PACRGL: variants seen among roughly 807,000 people sequenced by gnomAD.
The protein encoded by PACRGL is parkin coregulated like, also known as PACRG-like protein.
In PACRGL, 38 loss-of-function variants were observed where a neutral mutation model predicts 34.5. The ratio of observed to expected loss-of-function variants is 1.10; its 90% CI spans 0.85 to 1.44. The LOEUF (loss-of-function observed/expected upper bound fraction) is 1.44, where lower values mean the gene tolerates loss of function less well. PACRGL is among the 40% of genes most tolerant of loss of function. The probability of loss-of-function intolerance (pLI) is 0.00; values close to 1 mark genes in which losing one functional copy is unlikely to be tolerated. For missense variants in PACRGL, 305 were observed against 281.4 expected (o/e 1.08, Z -0.60); for synonymous variants, 128 against 100.1 (o/e 1.28, Z -1.66).
chr4:20,749,600 T>A, intron 8 of PACRGL: 2 of 1,167,600 alleles, frequency 1.7e-6, no homozygotes, highest in Admixed American at 1.9e-5. Context: ...AAACTCACAT[T>A]TTCCCCCTAA....
intron 7 of PACRGL, among the ~76,000 whole-genome samples, chr4:20,722,829 C>G (rs924965370): frequency 1.2e-4 from 18 of 152,318 alleles, no homozygotes; most frequent in Admixed American, 1.2e-3. Flanking sequence ...AAGTTCTATA[C>G]CGCATACTGA....
chr4:20,724,252 AT>A (rs1744720098), intron 7 of PACRGL, among the ~76,000 whole-genome samples: 1 of 152,278 alleles, frequency 6.6e-6, no homozygotes. Context: ...AAGAATCTGC[AT>A]TTTTAAACAG....
intron 8 of PACRGL, among the ~76,000 whole-genome samples, chr4:20,744,538 G>GT (rs1455059930): frequency 6.6e-6 from 1 of 151,708 alleles, no homozygotes; most frequent in Non-Finnish European, 1.5e-5. Context: ...AACACCGCAT[G>GT]TTCTCACTCA....
At chr4:20,718,817 T>C (rs201355850) in intron 7 of PACRGL, 4 of 152,104 alleles carry the variant, frequency 2.6e-5, no homozygotes, top group Admixed American at 6.6e-5. Flanking sequence ...CTCTGCCAGG[T>C]TTTGGTATCA....
chr4:20,756,452 C>G (rs1754458912), downstream of PACRGL, among the ~76,000 whole-genome samples: 1 of 152,110 alleles, frequency 6.6e-6, no homozygotes, highest in African/African-American at 2.4e-5. Flanking sequence ...CCAGTCTTCC[C>G]TGTGTATAAA....
intron 7 of PACRGL, among the ~76,000 whole-genome samples, chr4:20,722,500 A>C (rs2149182044): frequency 6.6e-6 from 1 of 152,310 alleles, no homozygotes. Context: ...TACTTCTTCC[A>C]GCAACAATGT....
chr4:20,716,401 A>G (rs546587943), intron 7 of PACRGL, among the ~76,000 whole-genome samples: 1 of 152,052 alleles, frequency 6.6e-6, no homozygotes, highest in African/African-American at 2.4e-5. Context: ...CACAACGTGC[A>G]GGTTTGTTAC....
At chr4:20,724,773 A>G in intron 7 of PACRGL, 35 bp from the exon 8 acceptor site, 16 of 1,266,118 alleles carry the variant, frequency 1.3e-5, no homozygotes, top group Non-Finnish European at 1.2e-5. Context: ...TTAAGTTTAA[A>G]GTCATTTCGT....
rs1046518787 is a variant in PACRGL at position 20,729,855 on chromosome 4, G to A, written c.*2514G>A. The A allele has an allele frequency of 7.2e-6, 3 of 415,256 alleles. No individual in the cohort carries two copies. In the East Asian group the frequency reaches 1.1e-4, roughly 15 times the overall value. 25.7% of individuals were successfully genotyped at this position (415,256 alleles called of 1,614,324 possible). A position where few individuals can be genotyped will look rare whatever the true frequency, so the allele number is the denominator to read the frequency against. On this transcript the variant is annotated 3_prime_UTR_variant, in exon 9 of 9. Coordinates refer to ENST00000503585, the MANE Select transcript of PACRGL (RefSeq NM_001258345.3). Reference sequence around the variant, plus strand: ...TTACTTTTGAATATTCACAGAGTATGAAATGAGTTAGACCATCCCCTGAAC... The same window carrying A: ...TTACTTTTGAATATTCACAGAGTATAAAATGAGTTAGACCATCCCCTGAAC...
chr4:20,716,366 T>C (rs966427605), intron 7 of PACRGL: 5 of 584,348 alleles, frequency 8.6e-6, no homozygotes, highest in Non-Finnish European at 1.5e-5. Context: ...GTTTTAATTA[T>C]ACTTTAAGTT....
chr4:20,738,646 C>T (rs751999283), intron 8 of PACRGL, among the ~76,000 whole-genome samples: 43 of 152,176 alleles, frequency 2.8e-4, no homozygotes, highest in Admixed American at 4.6e-4. Flanking sequence ...TACATAGGAA[C>T]AGCTCCAGTC....
chr4:20,696,609 C>A (rs1282732569), upstream of PACRGL: 1 of 152,230 alleles, frequency 6.6e-6, no homozygotes. Flanking sequence ...ATACCCAATT[C>A]ATGACCTTTA....
At chr4:20,734,038 A>G (rs1749007640), downstream of PACRGL, among the ~76,000 whole-genome samples, 1 of 152,156 alleles carries the variant, frequency 6.6e-6, no homozygotes, top group African/African-American at 2.4e-5. Flanking sequence ...AATGCCCAGG[A>G]TTTAGGGAGT....
intron 1 of PACRGL, 96 bp downstream of exon 1, chr4:20,700,883 T>C (rs974726): frequency 0.72 from 109,091 of 151,986 alleles, 39,292 homozygotes; most frequent in African/African-American, 0.79. Flanking sequence ...GCATCCTGGC[T>C]CTGGACTGGT....
intron 8 of PACRGL, 120 bp downstream of exon 8, chr4:20,725,008 T>C (rs1375945326): frequency 3.6e-6 from 2 of 553,280 alleles, no homozygotes; most frequent in Non-Finnish European, 5.6e-6. Context: ...TATGTGAAAT[T>C]GATGCTGTTA....
rs1340203110 is a variant in PACRGL, at chr4:20,716,075, T to G, written c.609+2536T>G. ...GGAAGAGACCTTTTCCTGATATGTA[T>G]AACTTTAATCTTTAATATAAATATT... On this transcript the variant is annotated intron_variant, in intron 7 of 8. Coordinates refer to ENST00000503585, the MANE Select transcript of PACRGL (RefSeq NM_001258345.3). 4 of 1,513,432 alleles carry G rather than the reference T, an allele frequency of 2.6e-6. No homozygotes were observed. In the Admixed American group the frequency reaches 8.6e-5, roughly 33 times the overall value. 93.8% of individuals were successfully genotyped at this position (1,513,432 alleles called of 1,614,324 possible).
At chr4:20,734,205 G>A (rs578011123), downstream of PACRGL, among the ~76,000 whole-genome samples, 19 of 152,226 alleles carry the variant, frequency 1.2e-4, no homozygotes, top group Non-Finnish European at 2.5e-4. Context: ...CTGCCTCAAC[G>A]TGCATTTGGA....
At position 20,707,887 on chromosome 4, in the gene PACRGL, T is replaced by G. The variant is rs765956844; in HGVS notation, c.275+17T>G. 3 of 1,573,560 alleles carry G rather than the reference T, an allele frequency of 1.9e-6. No homozygotes were observed. The African/African-American group carries it at 4.1e-5, about 21-fold the overall frequency. The stretch of plus-strand genomic sequence containing the variant: ...TCCTTGCAGGTAAAATCAATATGAT[T>G]TATAACTGACCAAATTATTCAAAAT... On this transcript the variant is annotated intron_variant, in intron 4 of 8. Transcript: ENST00000503585.
the PACRGL span, among the ~76,000 whole-genome samples, chr4:20,762,805 C>G: frequency 2.0e-5 from 3 of 152,152 alleles, no homozygotes; most frequent in African/African-American, 7.2e-5. Flanking sequence ...TTCATTTCCA[C>G]ACTGCTATAA....
Sources: gnomAD v4.1 joint callset for allele counts (sites outside exome capture counted in the v4.1 genomes callset) on GRCh38, gnomAD v4.1.1 for gene constraint, MANE v1.5 for transcripts, NCBI Gene and HGNC (gene_info 2026-07-23, HGNC 2026-07-21) for gene names.